Variants in ACACB observed in about 807,000 individuals in gnomAD.
The protein encoded by ACACB is acetyl-CoA carboxylase beta.
A neutral mutation model predicts 278.8 loss-of-function variants in ACACB; 209 were observed. That is an observed-to-expected ratio of 0.75 (90% CI 0.67 to 0.84). The LOEUF is 0.84. Among genes scored for constraint, ACACB ranks in the 40% least tolerant of loss-of-function variants. The pLI, the probability that ACACB is intolerant of heterozygous loss-of-function variation, is 0.00. For synonymous variants in ACACB, 1,174 were observed against 1,285.6 expected, an observed-to-expected ratio of 0.91 and a Z score of 1.86; for missense variants, 2,850 against 3,269.0, an observed-to-expected ratio of 0.87 and a Z score of 3.13.
chr12:109,222,863 T>C lies in ACACB; in HGVS notation c.3743T>C (p.Leu1248Pro). Reference protein sequence around the residue: ...LRHNQVESIFLSAIDMYGHQF... With the variant: ...LRHNQVESIFPSAIDMYGHQF... ...CATAACCAGGTGGAGTCCATTTTCC[T>C]GTCTGCCATTGACATGTACGGCCAC... Residue 1248 changes from leucine to proline, a missense_variant, in exon 26 of 53, where the codon CTG (leucine) becomes CCG (proline). By Grantham distance (98) the Leu-to-Pro change is moderately conservative. Transcript: ENST00000338432. 6.2e-7 allele frequency: 1 copy of C among 1,613,846 alleles called. No homozygotes were observed. Among genetic ancestry groups the C allele is most frequent in the South Asian group, 1.1e-5 (1 of 91,042 alleles).
chr12:109,133,893 G>T (rs2042905625), intron 1 of ACACB, among the ~76,000 whole-genome samples: 1 of 77,946 alleles, frequency 1.3e-5, no homozygotes, highest in Non-Finnish European at 2.4e-5. Flanking sequence ...CATTTTTTCA[G>T]CACACAGGTT....
intron 2 of ACACB, among the ~76,000 whole-genome samples, chr12:109,149,365 A>C (rs73415120): frequency 0.015 from 2,259 of 152,244 alleles, 76 homozygotes; most frequent in African/African-American, 0.051. Context: ...TTGTGGCTCT[A>C]ACAGTTGGTG....
intron 1 of ACACB, among the ~76,000 whole-genome samples, chr12:109,137,090 G>T (rs2042982498): frequency 1.3e-5 from 2 of 152,122 alleles, no homozygotes; most frequent in African/African-American, 4.8e-5. Flanking sequence ...CATCAATTGG[G>T]ATGATCATGT....
At chr12:109,208,912 C>T (rs1024818861) in intron 20 of ACACB, among the ~76,000 whole-genome samples, 3 of 152,102 alleles carry the variant, frequency 2.0e-5, no homozygotes, top group Admixed American at 6.5e-5. Context: ...TATGTTTGAT[C>T]CCCCACACCA....
chr12:109,192,915 C>G (rs1427369465), intron 15 of ACACB, among the ~76,000 whole-genome samples: 3 of 152,170 alleles, frequency 2.0e-5, no homozygotes, highest in African/African-American at 2.4e-5. Context: ...ATCCTCCTGC[C>G]TCAACTCTGA....
In ACACB at chr12:109,265,234, A is replaced by G. The variant is rs754305943; in HGVS notation, c.7067A>G (p.Gln2356Arg). The G allele has an allele frequency of 1.6e-5, 26 of 1,613,496 alleles. No individual in the cohort carries two copies. The Admixed American group carries it at 4.3e-4, about 27-fold the overall frequency. Reference sequence around the variant, plus strand: ...GGGGAGCTGAGTCACGTGCATATCCAGTCCATGCTGCGTCGCTGGTTCGTG... The same window carrying G: ...GGGGAGCTGAGTCACGTGCATATCCGGTCCATGCTGCGTCGCTGGTTCGTG... ...ASGELSHVHI[Q>R]SMLRRWFVET... The change falls in exon 51 of 53, where the codon CAG (glutamine) becomes CGG (arginine). Residue 2356 changes from glutamine to arginine, a missense_variant. By Grantham distance (43) the Gln-to-Arg change is conservative (BLOSUM62 1). Around this residue, in one of 3 missense-constraint regions of ACACB, gnomAD observed 579 missense variants for 684.6 expected, o/e 0.85. Coordinates refer to ENST00000338432, the MANE Select transcript of ACACB (RefSeq NM_001093.4).
At chr12:109,133,757 A>G (rs1452051825) in intron 1 of ACACB, among the ~76,000 whole-genome samples, 1 of 150,060 alleles carries the variant, frequency 6.7e-6, no homozygotes, top group Non-Finnish European at 1.5e-5. Context: ...GTGTTCCTGA[A>G]TGCAGTTTCA....
Position 109,235,990 on chromosome 12 carries a change from C to A in ACACB, c.4446+343C>A, listed in dbSNP as rs140846468. On this transcript the variant is annotated intron_variant, in intron 33 of 52. Transcript: ENST00000338432. ...CTCTAGCCTGGGTGACAGAGTGAGA[C>A]TCTGTCTCAAAAAAAAGGAAAAAAA... 220 of 207,606 alleles carry A rather than the reference C, an allele frequency of 1.1e-3. 1 individual carries two copies. The highest frequency in any genetic ancestry group is 4.9e-3 in the African/African-American group (210 of 43,248). The allele number at this position is 207,606 out of a possible 1,614,324, so 12.9% of individuals were successfully genotyped here.
chr12:109,115,218 T>C (rs1039492256), upstream of ACACB, among the ~76,000 whole-genome samples: 15 of 152,190 alleles, frequency 9.9e-5, no homozygotes, highest in African/African-American at 3.6e-4. Flanking sequence ...AAGTAGTTGA[T>C]GAGGACACTG....
intron 11 of ACACB, among the ~76,000 whole-genome samples, chr12:109,181,655 T>C (rs2044475700): frequency 6.6e-6 from 1 of 152,118 alleles, no homozygotes. Flanking sequence ...TGATTTCCTT[T>C]CTTTTGAGTA....
intron 2 of ACACB, among the ~76,000 whole-genome samples, chr12:109,164,717 ATTT>A (rs36026617): frequency 7.5e-6 from 1 of 134,098 alleles, no homozygotes. Flanking sequence ...GCTAATTTAA[ATTT>A]TTTTTTTTTT....
At chr12:109,247,807 T>C in intron 40 of ACACB, 104 bp downstream of exon 40, 1 of 934,652 alleles carries the variant, frequency 1.1e-6, no homozygotes. Context: ...GTGGTGGTGT[T>C]TGTATGATGG....
intron 44 of ACACB, among the ~76,000 whole-genome samples, chr12:109,254,748 G>A (rs974886485): frequency 2.6e-5 from 4 of 151,648 alleles, no homozygotes. Context: ...AACTCTGTGA[G>A]TTTACACAGG....
At position 109,247,716 on chromosome 12, in the gene ACACB, T is replaced by A. The variant is rs775889111; in HGVS notation, c.5669+13T>A. ...GAGGAGAGTCCAGGTAAATAACTTA[T>A]CAGGTAGCTCCTTAATTTTGCTCAT... On this transcript the variant is annotated intron_variant, in intron 40 of 52. Transcript: ENST00000338432. 3.8e-6 allele frequency: 6 copies of A among 1,594,476 alleles called. No individual in the cohort carries two copies. Among genetic ancestry groups the A allele is most frequent in the Non-Finnish European group, 5.2e-6 (6 of 1,163,422 alleles).
chr12:109,179,965 G>A lies in ACACB; in HGVS notation c.1696G>A (p.Val566Met). The A allele has an allele frequency of 6.2e-7, 1 of 1,614,036 alleles. No individual in the cohort carries two copies. Among genetic ancestry groups the A allele is most frequent in the Non-Finnish European group, 8.5e-7 (1 of 1,179,990 alleles). Reference sequence around the variant, plus strand: ...CGTGGGCTATGTGAGTGCAGGGACAGTGGAATACCTCTATAGTCAGGATGG... The same window carrying A: ...CGTGGGCTATGTGAGTGCAGGGACAATGGAATACCTCTATAGTCAGGATGG... The part of the protein sequence containing the change: ...KTVGYVSAGT[V>M]EYLYSQDGSF... Residue 566 changes from valine (V) to methionine (M), a missense_variant, in exon 11 of 53, where the codon GTG (valine) becomes ATG (methionine). By Grantham distance (21) the Val-to-Met change is conservative. This residue lies in a region of ACACB where 2,265 missense variants were observed against 2,561.3 expected (regional missense o/e 0.88). Transcript: ENST00000338432.
At position 109,257,414 on chromosome 12, in the gene ACACB, A is replaced by G. The variant is rs140118618; in HGVS notation, c.6264-854A>G. ...CTGCATCATAGGGTAAACGAGAACCATGTAGTGATGCACAGTTCAGTAGCA... is the reference window on the plus strand; with the variant it reads ...CTGCATCATAGGGTAAACGAGAACCGTGTAGTGATGCACAGTTCAGTAGCA... On this transcript the variant is annotated intron_variant, in intron 45 of 52. Coordinates refer to ENST00000338432, the MANE Select transcript of ACACB (RefSeq NM_001093.4). Among the ~76,000 whole-genome samples the G allele has an allele frequency of 2.0e-3, 303 of 152,188 alleles. 3 individuals carry two copies. The highest frequency in any genetic ancestry group is 6.5e-3 in the African/African-American group (271 of 41,526).
rs748575255 is a variant in ACACB, at chr12:109,191,669, TG to T, written c.2203del (p.Glu735AsnfsTer46). ...ATCCGAGGCGACTTTAGGACTACCGTGGAATACCTCATTAACCTCCTGGAGA... is the reference window on the plus strand; with the variant it reads ...ATCCGAGGCGACTTTAGGACTACCGTGAATACCTCATTAACCTCCTGGAGA... The part of the protein sequence containing the change: ...LSIRGDFRTT[V>X]EYLINLLETE... On this transcript the variant is annotated frameshift_variant, in exon 14 of 53. Coordinates refer to ENST00000338432, the MANE Select transcript of ACACB (RefSeq NM_001093.4). LOFTEE classifies it high-confidence loss of function. 2.5e-6 allele frequency: 4 copies of T among 1,614,190 alleles called. No homozygotes were observed. The highest frequency in any genetic ancestry group is 3.4e-6 in the Non-Finnish European group (4 of 1,180,004).
At chr12:109,209,475 A>G (rs2239607) in intron 21 of ACACB, 122 bp downstream of exon 21, 160,869 of 983,532 alleles carry the variant, frequency 0.16, 14,739 homozygotes, top group East Asian at 0.28. Flanking sequence ...ATAGCCTAAC[A>G]TATCAGGGGC....
chr12:109,129,717 A>AAGC lies in ACACB; in HGVS notation c.-9-9677_-9-9675dup, dbSNP rs556714495. ...GGGCACCATCCCCTCTGCCCCCCAA[A>AAGC]AGCAGTTCTAGGCTGCAGGCCTGGG... On this transcript the variant is annotated intron_variant, in intron 1 of 52. Coordinates refer to ENST00000338432, the MANE Select transcript of ACACB (RefSeq NM_001093.4). 4.6e-3 allele frequency among the ~76,000 whole-genome samples: 700 copies of AAGC among 152,214 alleles called. 5 individuals carry two copies. The highest frequency in any genetic ancestry group is 0.016 in the African/African-American group (652 of 41,534).
Sources: gnomAD v4.1 joint callset for allele counts (sites outside exome capture counted in the v4.1 genomes callset) on GRCh38, gnomAD v4.1.1 for gene constraint, gnomAD v4.1.1 regional missense constraint, MANE v1.5 for transcripts, NCBI Gene and HGNC (gene_info 2026-07-23, HGNC 2026-07-21) for gene names.